The following AGTR1 variants were observed in gnomAD, a reference collection of about 807,000 sequenced individuals.
AGTR1 encodes angiotensin II receptor type 1.
Under a neutral mutation model 19.4 loss-of-function variants are expected in AGTR1, and 16 were observed. The observed-to-expected ratio is 0.82, with a 90% CI of 0.56 to 1.25. AGTR1 has a LOEUF of 1.25. Among genes scored for constraint, AGTR1 ranks in the 50% most tolerant of loss-of-function variants. The probability of loss-of-function intolerance (pLI) is 0.00; values close to 1 mark genes in which losing one functional copy is unlikely to be tolerated. For synonymous variants in AGTR1, 153 were observed against 154.9 expected, an observed-to-expected ratio of 0.99 and a Z score of 0.09; for missense variants, 373 against 431.9, an observed-to-expected ratio of 0.86 and a Z score of 1.21.
rs188798683 is a variant in AGTR1, at chr3:148,707,200, G to A, written c.-131-744G>A. Among the ~76,000 whole-genome samples, 12 of 147,428 alleles carry A rather than the reference G, an allele frequency of 8.1e-5. No homozygotes were observed. In the East Asian group the frequency reaches 1.2e-3, roughly 14 times the overall value. Reference sequence around the variant, plus strand: ...TCATAAGTAAAATAAATGAAACAAAGAAGAAAATACTATGATGTACAAAAA... The same window carrying A: ...TCATAAGTAAAATAAATGAAACAAAAAAGAAAATACTATGATGTACAAAAA... On this transcript the variant is annotated intron_variant, in intron 1 of 2. Coordinates refer to ENST00000349243, the MANE Select transcript of AGTR1 (RefSeq NM_000685.5).
rs536371083 is a variant in AGTR1, at chr3:148,723,285, C to A, written c.-48+15258C>A. Among the ~76,000 whole-genome samples, 11 of 152,260 alleles carry A rather than the reference C, an allele frequency of 7.2e-5. No individual in the cohort carries two copies. The South Asian group carries it at 1.9e-3, about 26-fold the overall frequency. On this transcript the variant is annotated intron_variant, in intron 2 of 2. Transcript: ENST00000349243. Reference sequence around the variant, plus strand: ...TGTACAGATAATTTCCTATTTGTAGCAAAGTTCACTTCAGAAACACTTGAT... The same window carrying A: ...TGTACAGATAATTTCCTATTTGTAGAAAAGTTCACTTCAGAAACACTTGAT...
At chr3:148,707,349 G>A (rs1204251990) in intron 1 of AGTR1, among the ~76,000 whole-genome samples, 1 of 152,024 alleles carries the variant, frequency 6.6e-6, no homozygotes, top group Non-Finnish European at 1.5e-5. Context: ...AGTACCTCTG[G>A]GAAGTAAATG....
At chr3:148,740,373 T>A (rs12721322) in intron 2 of AGTR1, among the ~76,000 whole-genome samples, 11,875 of 152,244 alleles carry the variant, frequency 0.078, 1,588 homozygotes, top group African/African-American at 0.27. Context: ...TGGAAAACCA[T>A]GGAAAAAATC....
intron 2 of AGTR1, chr3:148,739,734 G>C: frequency 8.2e-7 from 1 of 1,216,576 alleles, no homozygotes; most frequent in Non-Finnish European, 1.0e-6. Flanking sequence ...CAGCTCTCCT[G>C]AATGCCAAGC....
intron 2 of AGTR1, among the ~76,000 whole-genome samples, chr3:148,735,934 A>T (rs570357307): frequency 2.0e-5 from 3 of 152,316 alleles, no homozygotes; most frequent in African/African-American, 7.2e-5. Flanking sequence ...TGCTTGAGAG[A>T]GATACTTTGA....
In AGTR1 at chr3:148,741,612, A is replaced by G; in HGVS notation, c.577A>G (p.Ile193Val). ...HYESQNSTLP[I>V]GLGLTKNILG... ...TGAGTCCCAAAATTCAACCCTCCCGATAGGGCTGGGCCTGACCAAAAATAT... is the reference window on the plus strand; with the variant it reads ...TGAGTCCCAAAATTCAACCCTCCCGGTAGGGCTGGGCCTGACCAAAAATAT... Residue 193 changes from isoleucine to valine, a missense_variant, in exon 3 of 3, where the codon ATA becomes GTA. By Grantham distance (29) the Ile-to-Val change is conservative. Transcript: ENST00000349243. The G allele has an allele frequency of 5.0e-6, 8 of 1,614,096 alleles. No individual in the cohort carries two copies. Among genetic ancestry groups the G allele is most frequent in the Non-Finnish European group, 6.8e-6 (8 of 1,179,992 alleles).
chr3:148,732,036 A>G (rs1269419883), intron 2 of AGTR1, among the ~76,000 whole-genome samples: 3 of 152,226 alleles, frequency 2.0e-5, no homozygotes, highest in Admixed American at 6.5e-5. Context: ...ATTAGACCAC[A>G]TTAACTAATT....
intron 2 of AGTR1, among the ~76,000 whole-genome samples, chr3:148,732,140 C>T (rs188854312): frequency 6.6e-6 from 1 of 152,356 alleles, no homozygotes; most frequent in Admixed American, 6.5e-5. Flanking sequence ...GCGCCCCCCT[C>T]TTCACAGGAC....
At chr3:148,699,628 A>G (rs1712204808) in intron 1 of AGTR1, among the ~76,000 whole-genome samples, 1 of 152,138 alleles carries the variant, frequency 6.6e-6, no homozygotes, top group Non-Finnish European at 1.5e-5. Flanking sequence ...CTCTGCCCAT[A>G]AGGTTCCCTC....
In AGTR1 at chr3:148,732,730, ATTTTTT is replaced by A. The variant is rs778034622; in HGVS notation, c.-47-8236_-47-8231del. ...ATTATAAAAGTTCATGCTTCGGAAAATTTTTTTTTTTTTTTTTTTTTTTTTTTTGAG... is the reference window on the plus strand; with the variant it reads ...ATTATAAAAGTTCATGCTTCGGAAAATTTTTTTTTTTTTTTTTTTTTTGAG... On this transcript the variant is annotated intron_variant, in intron 2 of 2. Transcript: ENST00000349243. 9.8e-3 allele frequency among the ~76,000 whole-genome samples: 1,077 copies of A among 109,934 alleles called. 3 individuals are homozygous for A. Among genetic ancestry groups the A allele is most frequent in the African/African-American group, 0.036 (886 of 24,754 alleles). The allele number at this position is 109,934 out of a possible 152,430, so 72.1% of individuals were successfully genotyped here.
intron 2 of AGTR1, among the ~76,000 whole-genome samples, chr3:148,728,718 T>G (rs757541389): frequency 2.6e-5 from 4 of 152,170 alleles, no homozygotes; most frequent in Non-Finnish European, 4.4e-5. Context: ...ATTTATAAGC[T>G]TCACCTATCT....
intron 2 of AGTR1, among the ~76,000 whole-genome samples, chr3:148,723,670 G>A (rs958822112): frequency 1.3e-5 from 2 of 152,174 alleles, no homozygotes; most frequent in African/African-American, 4.8e-5. Context: ...TGAAGTTCAG[G>A]CTGCCATTCT....
At chr3:148,725,991 A>T (rs1412802906) in intron 2 of AGTR1, among the ~76,000 whole-genome samples, 1 of 152,180 alleles carries the variant, frequency 6.6e-6, no homozygotes, top group Non-Finnish European at 1.5e-5. Flanking sequence ...ATTCATACTG[A>T]ATGGGTATAA....
At chr3:148,719,810 C>T (rs1713520413) in intron 2 of AGTR1, among the ~76,000 whole-genome samples, 5 of 152,234 alleles carry the variant, frequency 3.3e-5, no homozygotes, top group Admixed American at 2.0e-4. Context: ...GCTAACGCTG[C>T]CCATCCAGGG....
intron 2 of AGTR1, among the ~76,000 whole-genome samples, chr3:148,726,334 G>T (rs6766656): frequency 6.6e-6 from 1 of 151,760 alleles, no homozygotes; most frequent in Non-Finnish European, 1.5e-5. Context: ...TCAGCCTCCC[G>T]AGTAGATGGG....
intron 2 of AGTR1, among the ~76,000 whole-genome samples, chr3:148,728,415 G>C (rs1041844386): frequency 6.6e-6 from 1 of 152,102 alleles, no homozygotes; most frequent in African/African-American, 2.4e-5. Flanking sequence ...TAAAATAATG[G>C]TACATTAAAT....
chr3:148,711,638 A>G (rs1244025994), intron 2 of AGTR1, among the ~76,000 whole-genome samples: 2 of 152,212 alleles, frequency 1.3e-5, no homozygotes, highest in Non-Finnish European at 2.9e-5. Context: ...CACAATTCTC[A>G]GTAACATTCT....
intron 2 of AGTR1, among the ~76,000 whole-genome samples, chr3:148,719,458 G>C (rs1163649059): frequency 6.6e-6 from 1 of 152,168 alleles, no homozygotes; most frequent in Non-Finnish European, 1.5e-5. Flanking sequence ...AGAGCTGCTA[G>C]ATCTCTGTAT....
chr3:148,739,257 G>A (rs1714739100), intron 2 of AGTR1, among the ~76,000 whole-genome samples: 2 of 151,996 alleles, frequency 1.3e-5, no homozygotes, highest in South Asian at 4.1e-4. Context: ...TACTAGGGAA[G>A]CTGAGGCATG....
Sources: allele counts gnomAD v4.1 joint callset (sites outside exome capture counted in the v4.1 genomes callset), GRCh38; gene constraint gnomAD v4.1.1; transcripts MANE v1.5; gene names NCBI Gene and HGNC (gene_info 2026-07-23, HGNC 2026-07-21).